CAMK2B: variants seen among roughly 807,000 people sequenced by gnomAD.
CAMK2B encodes calcium/calmodulin dependent protein kinase II beta.
Under a neutral mutation model 93.7 loss-of-function variants are expected in CAMK2B, and 27 were observed. The ratio of observed to expected loss-of-function variants is 0.29; its 90% confidence interval spans 0.21 to 0.40. CAMK2B has a LOEUF of 0.40. CAMK2B is among the 10% of genes least tolerant of loss of function. The pLI, the probability that CAMK2B is intolerant of heterozygous loss-of-function variation, is 1.00. For synonymous variants in CAMK2B, 374 were observed against 358.8 expected (o/e 1.04, Z -0.48); for missense variants, 568 against 895.8 (o/e 0.63, Z 4.67).
chr7:44,234,308 ACC>A (rs2096605486), intron 15 of CAMK2B, 80 bp downstream of exon 15: 1 of 1,293,880 alleles, frequency 7.7e-7, no homozygotes, highest in Admixed American at 2.9e-5. Context: ...CCCCACCTTC[ACC>A]CGGCCCCCTC....
At chr7:44,309,541 GA>G (rs1792914526) in intron 1 of CAMK2B, among the ~76,000 whole-genome samples, 1 of 152,214 alleles carries the variant, frequency 6.6e-6, no homozygotes, top group Non-Finnish European at 1.5e-5. Context: ...AGGGCATGGG[GA>G]GGGCCCTCGG....
chr7:44,257,333 C>G (rs2096842824), intron 4 of CAMK2B, among the ~76,000 whole-genome samples: 1 of 152,168 alleles, frequency 6.6e-6, no homozygotes, highest in African/African-American at 2.4e-5. Flanking sequence ...AGCCAATCTC[C>G]TCTTCCCAGC....
chr7:44,234,610 G>A (rs757529362), intron 14 of CAMK2B, 29 bp downstream of exon 14: 41 of 1,613,250 alleles, frequency 2.5e-5, no homozygotes, highest in African/African-American at 2.4e-4. Flanking sequence ...TGGGCTCCCC[G>A]GCACCACAGG....
chr7:44,286,295 C>G lies in CAMK2B; in HGVS notation c.66-2070G>C, dbSNP rs531765897. Reference sequence around the variant, plus strand: ...GCGGCCACAGGGCTGACGTGGCAGGCCTCCACTGAGTGTTCTGGACCAGGC... The same window carrying G: ...GCGGCCACAGGGCTGACGTGGCAGGGCTCCACTGAGTGTTCTGGACCAGGC... On this transcript the variant is annotated intron_variant, in intron 1 of 23. Transcript: ENST00000395749. The surrounding 1 kb of genome is among the most constrained non-coding windows in gnomAD (Gnocchi z 4.0). Among the ~76,000 whole-genome samples, 1 of 152,316 alleles carries G rather than the reference C, an allele frequency of 6.6e-6. No homozygotes were observed. The highest frequency in any genetic ancestry group is 2.1e-4 in the South Asian group (1 of 4,822).
At chr7:44,220,973 G>C in intron 20 of CAMK2B, 72 bp from the exon 21 acceptor site, 1 of 1,309,850 alleles carries the variant, frequency 7.6e-7, no homozygotes, top group Admixed American at 2.0e-5. Flanking sequence ...CACAGCCCAG[G>C]GGAGGGCCTG....
rs143929704 is a variant in CAMK2B, at chr7:44,324,378, C to T, written c.65+979G>A. Among the ~76,000 whole-genome samples, 387 of 151,036 alleles carry T rather than the reference C, an allele frequency of 2.6e-3. 9 individuals carry two copies. The East Asian group carries it at 0.046, about 18-fold the overall frequency. On this transcript the variant is annotated intron_variant, in intron 1 of 23. Coordinates refer to ENST00000395749, the MANE Select transcript of CAMK2B (RefSeq NM_001220.5). ...AGATTCAGGAGTTCTGAAGCTAGCC[C>T]TAGGGATGCCAGGTGCAGCCACCTT... is the stretch of plus-strand genomic sequence containing the variant.
At chr7:44,281,323 G>A (rs2097100574) in intron 2 of CAMK2B, among the ~76,000 whole-genome samples, 1 of 152,230 alleles carries the variant, frequency 6.6e-6, no homozygotes, top group Non-Finnish European at 1.5e-5. Flanking sequence ...GCAGCCACGG[G>A]ACATATGAGC....
chr7:44,247,672 G>C (rs1040402853), intron 5 of CAMK2B, among the ~76,000 whole-genome samples: 39 of 152,246 alleles, frequency 2.6e-4, no homozygotes, highest in African/African-American at 9.1e-4. Flanking sequence ...CAGGCACCAG[G>C]ACCCTGCTCT....
At chr7:44,227,792 G>GTA in intron 19 of CAMK2B, among the ~76,000 whole-genome samples, 1 of 97,874 alleles carries the variant, frequency 1.0e-5, no homozygotes. Flanking sequence ...ACAGAGGAGG[G>GTA]TGTGGGGGAC....
At chr7:44,291,130 T>C (rs565970266) in intron 1 of CAMK2B, among the ~76,000 whole-genome samples, 1 of 152,214 alleles carries the variant, frequency 6.6e-6, no homozygotes, top group Non-Finnish European at 1.5e-5. Context: ...GACAGTTGCA[T>C]ACTTCTTTGC....
intron 11 of CAMK2B, among the ~76,000 whole-genome samples, chr7:44,241,323 C>T (rs746811622): frequency 6.6e-6 from 1 of 152,230 alleles, no homozygotes; most frequent in Admixed American, 6.5e-5. Flanking sequence ...TGTGGCTCTG[C>T]TCTCCTTACC....
At chr7:44,320,515 C>G (rs1471154386) in intron 1 of CAMK2B, among the ~76,000 whole-genome samples, 1 of 152,170 alleles carries the variant, frequency 6.6e-6, no homozygotes, top group Admixed American at 6.5e-5. Flanking sequence ...GATTACAGTA[C>G]CTACTTCACA....
intron 2 of CAMK2B, among the ~76,000 whole-genome samples, chr7:44,275,786 C>A (rs773662249): frequency 6.6e-6 from 1 of 152,198 alleles, no homozygotes; most frequent in South Asian, 2.1e-4. Context: ...GGTGCCCCCA[C>A]TGAGCCCCCA....
intron 2 of CAMK2B, among the ~76,000 whole-genome samples, chr7:44,273,341 A>C (rs1427749031): frequency 6.6e-6 from 1 of 152,136 alleles, no homozygotes; most frequent in Non-Finnish European, 1.5e-5. Context: ...CCACTCATCC[A>C]TCCAGTGCTG....
chr7:44,275,345 T>C (rs2097023993), intron 2 of CAMK2B, among the ~76,000 whole-genome samples: 1 of 152,236 alleles, frequency 6.6e-6, no homozygotes, highest in Non-Finnish European at 1.5e-5. Flanking sequence ...GAGGTCATGA[T>C]GCTGCCCACC....
In CAMK2B at chr7:44,312,948, AG is replaced by A. The variant is rs1348043256; in HGVS notation, c.65+12408del. On this transcript the variant is annotated intron_variant, in intron 1 of 23. Transcript: ENST00000395749. The surrounding 1 kb of genome is among the most constrained non-coding windows in gnomAD (Gnocchi z 4.1). ...GAAAGGATGGGGATGGGGTGGTGGT[AG>A]GCAGTGGGCCCAGGACAGCTGGGTC... Among the ~76,000 whole-genome samples the A allele has an allele frequency of 1.3e-5, 2 of 152,088 alleles. No homozygotes were observed. The highest frequency in any genetic ancestry group is 2.9e-5 in the Non-Finnish European group (2 of 68,018).
At chr7:44,306,172 G>A (rs1388648378) in intron 1 of CAMK2B, among the ~76,000 whole-genome samples, 2 of 152,006 alleles carry the variant, frequency 1.3e-5, no homozygotes, top group Non-Finnish European at 2.9e-5. Flanking sequence ...TGAGGAGAGG[G>A]CTCACAGGGG....
rs193146625 is a variant in CAMK2B at position 44,239,421 on chromosome 7, G to A, written c.1021+168C>T. On this transcript the variant is annotated intron_variant, in intron 13 of 23. Coordinates refer to ENST00000395749, the MANE Select transcript of CAMK2B (RefSeq NM_001220.5). Reference sequence around the variant, plus strand: ...CCTTGGGGGCTGCCTCCCTGCCCTTGTGGTGGGCTCTGCTGGGATGTGACC... The same window carrying A: ...CCTTGGGGGCTGCCTCCCTGCCCTTATGGTGGGCTCTGCTGGGATGTGACC... 3.6e-3 allele frequency among the ~76,000 whole-genome samples: 543 copies of A among 152,338 alleles called. 3 individuals are homozygous for A. Among genetic ancestry groups the A allele is most frequent in the African/African-American group, 0.012 (513 of 41,588 alleles).
At chr7:44,260,343 C>G (rs78077568) in intron 3 of CAMK2B, among the ~76,000 whole-genome samples, 12,191 of 152,194 alleles carry the variant, frequency 0.08, 669 homozygotes, top group Non-Finnish European at 0.11. Context: ...CTTCTGGGGC[C>G]TAGGCCTCAC....
Sources: allele counts gnomAD v4.1 joint callset (sites outside exome capture counted in the v4.1 genomes callset), GRCh38; gene constraint gnomAD v4.1.1; non-coding constraint Gnocchi (gnomAD v3.1); transcripts MANE v1.5; gene names NCBI Gene and HGNC (gene_info 2026-07-23, HGNC 2026-07-21).